CATSPERE: variants seen among roughly 807,000 people sequenced by gnomAD.
The protein encoded by CATSPERE is cation channel sperm-associated auxiliary subunit epsilon.
CATSPERE carries 93 observed loss-of-function variants against 114.1 expected under a neutral mutation model. The observed-to-expected ratio is 0.81, with a 90% CI of 0.69 to 0.97. The LOEUF (loss-of-function observed/expected upper bound fraction) is 0.97. CATSPERE is among the 50% of genes least tolerant of loss of function. The pLI is 0.00. For synonymous variants in CATSPERE, 341 were observed against 384.1 expected, an observed-to-expected ratio of 0.89 and a Z score of 1.31; for missense variants, 1,058 against 1,131.6, an observed-to-expected ratio of 0.93 and a Z score of 0.93.
chr1:244,490,278 A>C (rs1671805835), intron 5 of CATSPERE, among the ~76,000 whole-genome samples, 169 bp from the exon 6 acceptor site: 1 of 152,248 alleles, frequency 6.6e-6, no homozygotes, highest in Non-Finnish European at 1.5e-5. Context: ...TTGATAAATA[A>C]ATAGACATGT....
chr1:244,632,324 G>T (rs1226602373), intron 20 of CATSPERE, among the ~76,000 whole-genome samples: 1 of 149,210 alleles, frequency 6.7e-6, no homozygotes, highest in Non-Finnish European at 1.5e-5. Context: ...AACCTGGGAG[G>T]CGGAGGTTGC....
chr1:244,549,860 CA>C (rs1396571078), intron 8 of CATSPERE, among the ~76,000 whole-genome samples: 1 of 152,086 alleles, frequency 6.6e-6, no homozygotes, highest in East Asian at 1.9e-4. Context: ...AAGAGATTAG[CA>C]TTTGAATTGG....
intron 4 of CATSPERE, among the ~76,000 whole-genome samples, chr1:244,479,475 AC>A (rs1669915568): frequency 6.6e-6 from 1 of 152,170 alleles, no homozygotes; most frequent in South Asian, 2.1e-4. Context: ...GAGCAAAATT[AC>A]CCCAGTGAAT....
At chr1:244,625,649 G>A (rs745374949) in intron 20 of CATSPERE, among the ~76,000 whole-genome samples, 1 of 149,830 alleles carries the variant, frequency 6.7e-6, no homozygotes, top group Non-Finnish European at 1.5e-5. Flanking sequence ...GGATGGTCTC[G>A]ATCTCTTGAC....
intron 10 of CATSPERE, among the ~76,000 whole-genome samples, chr1:244,571,476 T>C (rs1228258086): frequency 6.6e-6 from 1 of 152,202 alleles, no homozygotes; most frequent in East Asian, 1.9e-4. Context: ...CTAAAGAGGT[T>C]AAGATAGTTA....
At chr1:244,605,556 CT>C in intron 17 of CATSPERE, 138 bp from the exon 18 acceptor site, 1 of 464,754 alleles carries the variant, frequency 2.2e-6, no homozygotes, top group Non-Finnish European at 3.8e-6. Context: ...GTTTAAGTAA[CT>C]CCCCCAGAGT....
intron 7 of CATSPERE, among the ~76,000 whole-genome samples, chr1:244,502,704 A>G (rs537231176): frequency 6.6e-6 from 1 of 152,288 alleles, no homozygotes; most frequent in East Asian, 1.9e-4. Flanking sequence ...AGGTGATGCC[A>G]GGAAATAAGA....
intron 8 of CATSPERE, among the ~76,000 whole-genome samples, chr1:244,523,832 A>G (rs1231382555): frequency 2.0e-5 from 3 of 148,586 alleles, no homozygotes; most frequent in African/African-American, 7.7e-5. Flanking sequence ...TCAATGAAAT[A>G]AAAGAGGATA....
chr1:244,535,364 C>T (rs1680229867), intron 8 of CATSPERE, among the ~76,000 whole-genome samples: 2 of 152,186 alleles, frequency 1.3e-5, no homozygotes, highest in Non-Finnish European at 2.9e-5. Flanking sequence ...CCCCCAGGCC[C>T]CATGTGGGTC....
At chr1:244,588,236 G>A (rs12060316) in intron 13 of CATSPERE, among the ~76,000 whole-genome samples, 25,434 of 145,466 alleles carry the variant, frequency 0.17, 3,152 homozygotes, top group East Asian at 0.39. Context: ...AATTCCCTGA[G>A]ACACAAATGT....
chr1:244,502,302 C>A (rs185870487), intron 7 of CATSPERE, among the ~76,000 whole-genome samples: 2 of 152,118 alleles, frequency 1.3e-5, no homozygotes, highest in Admixed American at 6.5e-5. Flanking sequence ...TTCCTGTATC[C>A]TTACAGTTTT....
intron 11 of CATSPERE, among the ~76,000 whole-genome samples, chr1:244,576,383 G>A (rs572414719): frequency 8.3e-4 from 126 of 151,478 alleles, no homozygotes; most frequent in Middle Eastern, 3.4e-3. Flanking sequence ...CTTGTTTCTC[G>A]GTACTGCAAG....
intron 17 of CATSPERE, among the ~76,000 whole-genome samples, chr1:244,601,689 C>CA (rs1225273037): frequency 6.6e-6 from 1 of 152,018 alleles, no homozygotes. Context: ...CGCGGTGGCT[C>CA]CACCTGTAAT....
chr1:244,630,111 G>A (rs1209167204), intron 20 of CATSPERE, among the ~76,000 whole-genome samples: 1 of 152,168 alleles, frequency 6.6e-6, no homozygotes, highest in East Asian at 1.9e-4. Context: ...GAAGGGAGGT[G>A]GACTACGGTA....
At chr1:244,526,997 C>T (rs905344049) in intron 8 of CATSPERE, among the ~76,000 whole-genome samples, 20 of 152,036 alleles carry the variant, frequency 1.3e-4, no homozygotes, top group African/African-American at 4.8e-4. Flanking sequence ...ACATGCTTCA[C>T]AAGGTAATAA....
intron 10 of CATSPERE, among the ~76,000 whole-genome samples, chr1:244,563,751 C>G (rs998162914): frequency 6.6e-6 from 1 of 152,144 alleles, no homozygotes; most frequent in Non-Finnish European, 1.5e-5. Context: ...TGCAGAAGCT[C>G]TTTAGTTTAA....
intron 2 of CATSPERE, among the ~76,000 whole-genome samples, chr1:244,476,797 G>A (rs1669424148): frequency 6.6e-6 from 1 of 152,048 alleles, no homozygotes; most frequent in African/African-American, 2.4e-5. Flanking sequence ...AGAATAGAGA[G>A]GCAGGGAAAA....
intron 7 of CATSPERE, among the ~76,000 whole-genome samples, chr1:244,500,563 G>A (rs1306303780): frequency 3.3e-5 from 5 of 152,152 alleles, no homozygotes; most frequent in Admixed American, 2.0e-4. Context: ...TTCTGAATAA[G>A]GTTAGCCAGT....
intron 2 of CATSPERE, among the ~76,000 whole-genome samples, chr1:244,475,574 G>A (rs1265877404): frequency 4.0e-5 from 5 of 124,440 alleles, no homozygotes; most frequent in South Asian, 5.0e-4. Flanking sequence ...GTCTCACTCC[G>A]TCGCCAGGCT....
Sources: gnomAD v4.1 joint callset for allele counts (sites outside exome capture counted in the v4.1 genomes callset) on GRCh38, gnomAD v4.1.1 for gene constraint, MANE v1.5 for transcripts, NCBI Gene and HGNC (gene_info 2026-07-23, HGNC 2026-07-21) for gene names.